VRK2: variants seen among roughly 807,000 people sequenced by gnomAD.
VRK2 encodes VRK serine/threonine kinase 2.
Under a neutral mutation model 57.6 loss-of-function variants are expected in VRK2, and 60 were observed. The observed-to-expected ratio is 1.04, with a 90% CI of 0.85 to 1.29. VRK2 has a LOEUF of 1.29. VRK2 is among the 50% of genes most tolerant of loss of function. The probability of loss-of-function intolerance (pLI) is 0.00; values close to 1 mark genes in which losing one functional copy is unlikely to be tolerated. For synonymous variants in VRK2, 231 were observed against 199.2 expected (o/e 1.16, Z -1.35); for missense variants, 705 against 588.1 (o/e 1.20, Z -2.06).
intron 2 of VRK2, among the ~76,000 whole-genome samples, chr2:58,028,046 T>A (rs141952777): frequency 3.3e-5 from 5 of 152,260 alleles, no homozygotes; most frequent in Admixed American, 2.6e-4. Flanking sequence ...ACAGTGACAA[T>A]CTGTTATAAA....
intron 1 of VRK2, among the ~76,000 whole-genome samples, chr2:57,952,418 A>C (rs1671455447): frequency 6.6e-6 from 1 of 152,234 alleles, no homozygotes; most frequent in Non-Finnish European, 1.5e-5. Flanking sequence ...AAAGGAGATA[A>C]CAAAAACGAA....
At chr2:58,136,069 G>A (rs1679965261) in intron 10 of VRK2, among the ~76,000 whole-genome samples, 1 of 152,096 alleles carries the variant, frequency 6.6e-6, no homozygotes, top group Non-Finnish European at 1.5e-5. Flanking sequence ...TTTCCATCTG[G>A]TTGAGAATTA....
intron 7 of VRK2, among the ~76,000 whole-genome samples, chr2:58,097,113 T>A (rs1472442942): frequency 1.3e-5 from 2 of 152,092 alleles, no homozygotes; most frequent in African/African-American, 4.8e-5. Context: ...CCATGTTTGC[T>A]TGAGAAAAAG....
At chr2:57,964,975 C>A (rs1339492470) in intron 1 of VRK2, among the ~76,000 whole-genome samples, 1 of 150,748 alleles carries the variant, frequency 6.6e-6, no homozygotes, top group Non-Finnish European at 1.5e-5. Flanking sequence ...ATATCACCAG[C>A]ACTTACAAAA....
At chr2:58,043,795 G>C (rs995127788), upstream of VRK2, among the ~76,000 whole-genome samples, 1 of 152,164 alleles carries the variant, frequency 6.6e-6, no homozygotes, top group African/African-American at 2.4e-5. Context: ...GACACTATAA[G>C]AACCTGCCAA....
chr2:58,115,532 G>A (rs550437241), intron 7 of VRK2, among the ~76,000 whole-genome samples: 46 of 140,378 alleles, frequency 3.3e-4, no homozygotes, highest in African/African-American at 1.1e-3. Context: ...GCTAGGCTAA[G>A]ACAGTAAGGT....
intron 1 of VRK2, among the ~76,000 whole-genome samples, chr2:57,949,179 G>A (rs536898753): frequency 4.6e-5 from 7 of 152,220 alleles, no homozygotes; most frequent in South Asian, 4.1e-4. Context: ...AAATTGTAGC[G>A]TCAAGAACAA....
At chr2:57,911,185 T>C (rs1669975031) in intron 1 of VRK2, among the ~76,000 whole-genome samples, 1 of 152,116 alleles carries the variant, frequency 6.6e-6, no homozygotes, top group Non-Finnish European at 1.5e-5. Context: ...ATTAGCAACA[T>C]AGTTTGGATT....
intron 2 of VRK2, among the ~76,000 whole-genome samples, chr2:58,073,810 C>G (rs1558598343): frequency 6.6e-6 from 1 of 151,804 alleles, no homozygotes; most frequent in Non-Finnish European, 1.5e-5. Flanking sequence ...GTTGGATGTT[C>G]GAGGGCAGGA....
intron 1 of VRK2, among the ~76,000 whole-genome samples, chr2:57,944,055 A>G (rs548386206): frequency 3.3e-5 from 5 of 152,318 alleles, no homozygotes; most frequent in African/African-American, 4.8e-5. Context: ...GCTGATCTAA[A>G]TGAAAAACAA....
In VRK2 at chr2:58,139,813, A is replaced by G. The variant is rs372039455; in HGVS notation, c.1004A>G (p.His335Arg). Residue 335 changes from histidine (H) to arginine (R), a missense_variant, in exon 11 of 13, where the codon CAT (histidine) becomes CGT (arginine). Transcript: ENST00000340157. ...FSTKGQSINV[H>R]TPNSQKVDSQ... ...ACAAAAGGACAGAGTATAAATGTCC[A>G]TACTCCAAACAGTCAAAAAGTAAGT... is the stretch of plus-strand genomic sequence containing the variant. 6.2e-5 allele frequency: 100 copies of G among 1,611,952 alleles called. No homozygotes were observed. The highest frequency in any genetic ancestry group is 7.7e-5 in the Non-Finnish European group (91 of 1,178,900).
chr2:58,045,033 G>A (rs1386745940), upstream of VRK2, among the ~76,000 whole-genome samples: 4 of 152,144 alleles, frequency 2.6e-5, no homozygotes, highest in African/African-American at 9.7e-5. Context: ...TGTCAATAGT[G>A]CCCAGGTTGA....
At chr2:58,026,830 C>G (rs1224103126) in intron 2 of VRK2, 1 of 152,042 alleles carries the variant, frequency 6.6e-6, no homozygotes, top group Non-Finnish European at 1.5e-5. Context: ...GCAATCCTTT[C>G]ACCTCAGCCT....
chr2:57,986,508 T>C (rs1331978373), intron 1 of VRK2, among the ~76,000 whole-genome samples: 1 of 151,768 alleles, frequency 6.6e-6, no homozygotes, highest in Non-Finnish European at 1.5e-5. Flanking sequence ...TTATATTACC[T>C]GATATCAAGA....
chr2:57,988,921 T>C (rs1269562861), intron 1 of VRK2, among the ~76,000 whole-genome samples: 2 of 152,224 alleles, frequency 1.3e-5, no homozygotes, highest in Non-Finnish European at 2.9e-5. Flanking sequence ...CCCATATTTA[T>C]GCAAAACACA....
At position 58,139,851 on chromosome 2, in the gene VRK2, G is replaced by T. The variant is rs1236391424; in HGVS notation, c.1023+19G>T. ...TCAAAAAGTAAGTAACATAATCCCTGCTATCCTATGATTACCTTCTATGAT... is the reference window on the plus strand; with the variant it reads ...TCAAAAAGTAAGTAACATAATCCCTTCTATCCTATGATTACCTTCTATGAT... On this transcript the variant is annotated intron_variant, in intron 11 of 12. Coordinates refer to ENST00000340157, the MANE Select transcript of VRK2 (RefSeq NM_006296.7). The T allele has an allele frequency of 1.3e-6, 2 of 1,590,520 alleles. No individual in the cohort carries two copies. The highest frequency in any genetic ancestry group is 4.5e-5 in the East Asian group (2 of 44,500).
Position 58,156,608 on chromosome 2 carries a change from G to T in VRK2, c.1183-2741G>T, listed in dbSNP as rs1355647616. Among the ~76,000 whole-genome samples the T allele has an allele frequency of 1.1e-4, 17 of 149,482 alleles. 1 individual carries two copies. Among genetic ancestry groups the T allele is most frequent in the African/African-American group, 4.3e-4 (17 of 39,582 alleles). On this transcript the variant is annotated intron_variant, in intron 12 of 12. Coordinates refer to ENST00000340157, the MANE Select transcript of VRK2 (RefSeq NM_006296.7). ...TTTTTGTTTTGTTTTGTTTTGTTTT[G>T]TTTTGTTTTTGCCTGACCTCTAGTT...
chr2:58,025,581 C>G (rs1035732097), intron 1 of VRK2: 1 of 152,170 alleles, frequency 6.6e-6, no homozygotes, highest in Non-Finnish European at 1.5e-5. Flanking sequence ...ATAAATTTTG[C>G]TCATTCATAA....
chr2:58,142,936 A>G (rs949031234), intron 11 of VRK2, among the ~76,000 whole-genome samples: 1 of 151,820 alleles, frequency 6.6e-6, no homozygotes, highest in African/African-American at 2.4e-5. Flanking sequence ...GAGCCCTCCC[A>G]TCCTTCCTAA....
Sources: gnomAD v4.1 joint callset for allele counts (sites outside exome capture counted in the v4.1 genomes callset) on GRCh38, gnomAD v4.1.1 for gene constraint, MANE v1.5 for transcripts, NCBI Gene and HGNC (gene_info 2026-07-23, HGNC 2026-07-21) for gene names.